CCSER1: variants seen among roughly 807,000 people sequenced by gnomAD.
CCSER1 encodes serine-rich coiled-coil domain-containing protein 1.
CCSER1 carries 41 observed loss-of-function variants against 82.0 expected under a neutral mutation model. The ratio of observed to expected loss-of-function variants is 0.50; its 90% CI spans 0.39 to 0.65. CCSER1 has a LOEUF of 0.65. CCSER1 is among the 30% of genes least tolerant of loss of function. The pLI is 0.00. For missense variants in CCSER1, 1,119 were observed against 1,064.2 expected (o/e 1.05, Z -0.72); for synonymous variants, 414 against 383.9 (o/e 1.08, Z -0.92).
At chr4:90,616,312 T>G (rs1350945247) in intron 5 of CCSER1, among the ~76,000 whole-genome samples, 5 of 152,186 alleles carry the variant, frequency 3.3e-5, no homozygotes, top group Non-Finnish European at 5.9e-5. Context: ...AGGAAACTTT[T>G]TTTTAATAAA....
intron 5 of CCSER1, among the ~76,000 whole-genome samples, chr4:90,575,863 C>G (rs1477512605): frequency 6.6e-6 from 1 of 152,222 alleles, no homozygotes; most frequent in South Asian, 2.1e-4. Context: ...GATTCCCTTT[C>G]CTTTGTTTAT....
intron 10 of CCSER1, among the ~76,000 whole-genome samples, chr4:91,158,957 A>C (rs1413165123): frequency 6.6e-6 from 1 of 151,972 alleles, no homozygotes; most frequent in East Asian, 1.9e-4. Context: ...ACAGCTTTTA[A>C]CTTTTCTTAT....
intron 7 of CCSER1, among the ~76,000 whole-genome samples, chr4:90,810,377 G>A (rs1758096164): frequency 6.6e-6 from 1 of 152,118 alleles, no homozygotes; most frequent in African/African-American, 2.4e-5. Flanking sequence ...GCCAGGAACA[G>A]TGGCTCATGC....
At chr4:90,159,640 T>C (rs1729057014) in intron 1 of CCSER1, among the ~76,000 whole-genome samples, 1 of 152,244 alleles carries the variant, frequency 6.6e-6, no homozygotes, top group African/African-American at 2.4e-5. Flanking sequence ...CTTTTTATCT[T>C]GCAGGTAAAT....
Position 90,737,154 on chromosome 4 carries a change from T to G in CCSER1, c.2010+13163T>G, listed in dbSNP as rs1745793621. Among the ~76,000 whole-genome samples the G allele has an allele frequency of 2.0e-5, 3 of 152,286 alleles. No individual in the cohort carries two copies. The South Asian group carries it at 6.2e-4, about 32-fold the overall frequency. On this transcript the variant is annotated intron_variant, in intron 7 of 10. Transcript: ENST00000509176. ...CAAGTTATGAGTTTATGTACCATAGTTACGGTGTTATAATATTCTGTGGTT... is the reference window on the plus strand; with the variant it reads ...CAAGTTATGAGTTTATGTACCATAGGTACGGTGTTATAATATTCTGTGGTT...
At chr4:91,097,535 G>A (rs1460111816) in intron 10 of CCSER1, among the ~76,000 whole-genome samples, 2 of 152,128 alleles carry the variant, frequency 1.3e-5, no homozygotes, top group Non-Finnish European at 2.9e-5. Context: ...GAATATTTTA[G>A]ATAGTTTATA....
intron 10 of CCSER1, among the ~76,000 whole-genome samples, chr4:91,186,553 G>T (rs1734556304): frequency 6.6e-6 from 1 of 152,146 alleles, no homozygotes; most frequent in Non-Finnish European, 1.5e-5. Flanking sequence ...TAACTCAGCG[G>T]CGCTAGAGGA....
At chr4:90,877,927 A>C (rs1720592854) in intron 8 of CCSER1, among the ~76,000 whole-genome samples, 1 of 152,126 alleles carries the variant, frequency 6.6e-6, no homozygotes, top group Non-Finnish European at 1.5e-5. Context: ...ATCAGTTACT[A>C]TCCAAATTAT....
chr4:91,204,386 A>G (rs981366941), intron 10 of CCSER1, among the ~76,000 whole-genome samples: 4 of 151,942 alleles, frequency 2.6e-5, no homozygotes, highest in East Asian at 1.9e-4. Flanking sequence ...GAAAGAACAT[A>G]AAGCCCTTAA....
chr4:90,732,867 C>A (rs576106908), intron 7 of CCSER1, among the ~76,000 whole-genome samples: 2 of 152,270 alleles, frequency 1.3e-5, no homozygotes, highest in East Asian at 3.9e-4. Context: ...GCATCTAATT[C>A]TTTTTTATGG....
chr4:90,632,979 T>C (rs1436471695), intron 6 of CCSER1, among the ~76,000 whole-genome samples: 1 of 152,102 alleles, frequency 6.6e-6, no homozygotes, highest in African/African-American at 2.4e-5. Flanking sequence ...TGTTTCCTAA[T>C]TGCCCTTACA....
At chr4:90,325,010 G>A (rs1737883779) in intron 3 of CCSER1, among the ~76,000 whole-genome samples, 1 of 152,122 alleles carries the variant, frequency 6.6e-6, no homozygotes, top group African/African-American at 2.4e-5. Flanking sequence ...TGAGGGCTCT[G>A]TTCTATTCCA....
chr4:90,608,924 A>AT (rs1288981890), intron 5 of CCSER1, among the ~76,000 whole-genome samples: 1 of 152,132 alleles, frequency 6.6e-6, no homozygotes, highest in Non-Finnish European at 1.5e-5. Context: ...TTCTCTATAC[A>AT]TAAATCTTCA....
chr4:90,690,283 C>A (rs11938319), intron 6 of CCSER1, among the ~76,000 whole-genome samples: 1 of 151,986 alleles, frequency 6.6e-6, no homozygotes, highest in Admixed American at 6.6e-5. Context: ...GGTCAAAGAA[C>A]ACTTGAGTAG....
chr4:91,590,295 G>GA (rs34475103), intron 10 of CCSER1, among the ~76,000 whole-genome samples: 13 of 151,714 alleles, frequency 8.6e-5, no homozygotes, highest in Non-Finnish European at 1.3e-4. Context: ...TGTGCAATCT[G>GA]AAAAAAAATC....
chr4:91,394,710 C>T (rs1328616269), intron 10 of CCSER1, among the ~76,000 whole-genome samples: 1 of 151,948 alleles, frequency 6.6e-6, no homozygotes, highest in Non-Finnish European at 1.5e-5. Context: ...ATTTAAAACA[C>T]CAGCAAAAAC....
At chr4:91,535,949 C>T (rs183260709) in intron 10 of CCSER1, among the ~76,000 whole-genome samples, 5 of 152,170 alleles carry the variant, frequency 3.3e-5, no homozygotes, top group Admixed American at 2.0e-4. Context: ...CTTTTGTCCT[C>T]TCTTCTCTTT....
rs184100110 is a variant in CCSER1, at chr4:90,883,114, C to T, written c.2095-40256C>T. On this transcript the variant is annotated intron_variant, in intron 8 of 10. Transcript: ENST00000509176. The stretch of plus-strand genomic sequence containing the variant: ...TGGTAAAGCTACAATTTAAACCCCT[C>T]CAGTATGACTCCTGAACTCATAGTC... 1.8e-3 allele frequency among the ~76,000 whole-genome samples: 279 copies of T among 152,086 alleles called. 3 individuals are homozygous for T. Among genetic ancestry groups the T allele is most frequent in the Middle Eastern group, 3.4e-3 (1 of 294 alleles).
chr4:90,688,826 A>G (rs539199075), intron 6 of CCSER1, among the ~76,000 whole-genome samples: 5 of 152,272 alleles, frequency 3.3e-5, no homozygotes, highest in Admixed American at 6.5e-5. Context: ...TGAAAAATCA[A>G]TGGTGCTTTC....
Sources: allele counts gnomAD v4.1 joint callset (sites outside exome capture counted in the v4.1 genomes callset), GRCh38; gene constraint gnomAD v4.1.1; transcripts MANE v1.5; gene names NCBI Gene and HGNC (gene_info 2026-07-23, HGNC 2026-07-21).